RTL8B: variants seen among roughly 807,000 people sequenced by gnomAD.
RTL8B encodes the protein retrotransposon Gag-like protein 8B.
RTL8B carries 5 observed loss-of-function variants against 4.4 expected under a neutral mutation model. That is an observed-to-expected ratio of 1.13 (90% CI 0.59 to 2.37). The LOEUF is 2.37. Among genes scored for constraint, RTL8B ranks in the 30% most tolerant of loss-of-function variants. The pLI, the probability that RTL8B is intolerant of heterozygous loss-of-function variation, is 0.01. For missense variants in RTL8B, 82 were observed against 99.2 expected (o/e 0.83, Z 0.74); for synonymous variants, 31 against 44.2 (o/e 0.70, Z 1.19).
Position 135,021,722 on chromosome X carries a change from G to A in RTL8B, c.*396C>T. Reference sequence around the variant, plus strand: ...ATGGCAGTGGCAGCGCAGGTCTGTGGGCAGCATGATGTAGTCGTCTGGAAG... The same window carrying A: ...ATGGCAGTGGCAGCGCAGGTCTGTGAGCAGCATGATGTAGTCGTCTGGAAG... On this transcript the variant is annotated 3_prime_UTR_variant, in exon 1 of 1. Coordinates refer to ENST00000391440, the MANE Select transcript of RTL8B (RefSeq NM_001078173.2). 6 of 1,018,138 alleles carry A rather than the reference G, an allele frequency of 5.9e-6. No homozygotes were observed. Among genetic ancestry groups the A allele is most frequent in the Non-Finnish European group, 7.7e-6 (6 of 778,791 alleles). 83.9% of individuals were successfully genotyped at this position (1,018,138 alleles called of 1,213,427 possible).
Position 135,021,826 on chromosome X carries a change from A to C in RTL8B, c.*292T>G. The C allele has an allele frequency of 8.9e-7, 1 of 1,124,901 alleles. No homozygotes were observed. Among genetic ancestry groups the C allele is most frequent in the African/African-American group, 1.8e-5 (1 of 55,528 alleles). The allele number at this position is 1,124,901 out of a possible 1,213,427, so 92.7% of individuals were successfully genotyped here. A position where few individuals can be genotyped will look rare whatever the true frequency, so the allele number is the denominator to read the frequency against. On this transcript the variant is annotated 3_prime_UTR_variant, in exon 1 of 1. Transcript: ENST00000391440. ...TGTAACAGGAGCTCAGCTTTGTGCA[A>C]CTGGAGCGCAGGACAGCGTCCAAAT... is the stretch of plus-strand genomic sequence containing the variant.
rs779861770 is a variant in RTL8B, at chrX:135,022,450, G to A, written c.10C>T (p.Arg4Ter). ...AGGAGGGCCTTCATCAGCTGCACTC[G>A]ACCTTCCATCGCGCCGCGCTGGCTC... MEG[R>*]VQLMKALLAR... Residue 4 changes from arginine (R) to a stop codon, truncating the protein, a stop_gained, in exon 1 of 1, where the codon CGA becomes TGA. Transcript: ENST00000391440. LOFTEE classifies it high-confidence loss of function. The A allele has an allele frequency of 1.3e-5, 16 of 1,209,036 alleles. No homozygotes were observed. The highest frequency in any genetic ancestry group is 4.4e-5 in the Admixed American group (2 of 45,846).
rs2083270652 is a variant in RTL8B, at chrX:135,022,375, A to G, written c.85T>C (p.Phe29Leu). The change falls in exon 1 of 1, where the codon TTT becomes CTT. Residue 29 changes from phenylalanine (F) to leucine (L), a missense_variant. Physicochemically the swap from Phe to Leu is conservative, Grantham distance 22. Transcript: ENST00000391440. Reference sequence around the variant, plus strand: ...GTATCGCCATCAAACGTCTCGGGAAAGGGAATCGGGTTCCTCCAGCGACGC... The same window carrying G: ...GTATCGCCATCAAACGTCTCGGGAAGGGGAATCGGGTTCCTCCAGCGACGC... The part of the protein sequence containing the change: ...AARRWRNPIP[F>L]PETFDGDTDR... 8.2e-7 allele frequency: 1 copy of G among 1,212,153 alleles called. No individual in the cohort carries two copies.
Position 135,022,235 on chromosome X carries a change from G to T in RTL8B, c.225C>A (p.Pro75=), listed in dbSNP as rs185780449. The T allele has an allele frequency of 1.3e-4, 152 of 1,210,858 alleles. No individual in the cohort carries two copies. Among genetic ancestry groups the T allele is most frequent in the Middle Eastern group, 2.3e-4 (1 of 4,320 alleles). ...TGTAGGGGATCACCCACTGCAGGGC[G>T]GGCCCCGTGAGGCGGGTGATGAGGA... The part of the protein sequence containing the change: ...VTFLITRLTG[P]ALQWVIPYIK... The change falls in exon 1 of 1, where the codon CCC becomes CCA. Residue 75 remains proline, a synonymous_variant. Transcript: ENST00000391440.
At position 135,020,985 on chromosome X, in the gene RTL8B, C is replaced by T. The variant is rs1011180451; in HGVS notation, c.*1133G>A. 4 of 112,552 alleles carry T rather than the reference C, an allele frequency of 3.6e-5. No individual in the cohort carries two copies. The highest frequency in any genetic ancestry group is 9.7e-5 in the African/African-American group (3 of 30,851). 9.3% of individuals were successfully genotyped at this position (112,552 alleles called of 1,213,427 possible). A position where few individuals can be genotyped will look rare whatever the true frequency, so the allele number is the denominator to read the frequency against. On this transcript the variant is annotated 3_prime_UTR_variant, in exon 1 of 1. Coordinates refer to ENST00000391440, the MANE Select transcript of RTL8B (RefSeq NM_001078173.2). Reference sequence around the variant, plus strand: ...AAACCACTTTCTGGAAATGAGGATACATTTTCCAAGAGCCTGCTGGCTGAC... The same window carrying T: ...AAACCACTTTCTGGAAATGAGGATATATTTTCCAAGAGCCTGCTGGCTGAC...
rs1205558507 is a variant in RTL8B at position 135,022,509 on chromosome X, C to G, written c.-50G>C. ...TTAGCTGAGCTGCGCTGGGCTTCGCCGGGGGCTGCACCGAGGCGTAGCGGG... is the reference window on the plus strand; with the variant it reads ...TTAGCTGAGCTGCGCTGGGCTTCGCGGGGGGCTGCACCGAGGCGTAGCGGG... On this transcript the variant is annotated 5_prime_UTR_variant, in exon 1 of 1. Transcript: ENST00000391440. 8.4e-6 allele frequency: 10 copies of G among 1,186,940 alleles called. No individual in the cohort carries two copies. The highest frequency in any genetic ancestry group is 5.7e-5 in the South Asian group (3 of 52,334).
chrX:135,022,414 G>A lies in RTL8B; in HGVS notation c.46C>T (p.Leu16Phe), dbSNP rs759625658. The A allele has an allele frequency of 1.7e-6, 2 of 1,211,053 alleles. No individual in the cohort carries two copies. Among genetic ancestry groups the A allele is most frequent in the African/African-American group, 3.5e-5 (2 of 57,556 alleles). ...QLMKALLARP[L>F]RPAARRWRNP... ...CTCCAGCGACGCGCCGCGGGCCGGA[G>A]GGGCCGAGCCAGGAGGGCCTTCATC... is the stretch of plus-strand genomic sequence containing the variant. The change falls in exon 1 of 1, where the codon CTC becomes TTC. Residue 16 changes from leucine to phenylalanine, a missense_variant. Coordinates refer to ENST00000391440, the MANE Select transcript of RTL8B (RefSeq NM_001078173.2).
Position 135,021,233 on chromosome X carries a change from C to A in RTL8B, c.*885G>T. On this transcript the variant is annotated 3_prime_UTR_variant, in exon 1 of 1. Transcript: ENST00000391440. ...TATCGCTTCTGAACAAGATATGGAC[C>A]ACATTTACAGGACCAGGGAGGGAAA... is the stretch of plus-strand genomic sequence containing the variant. 1 of 227,568 alleles carries A rather than the reference C, an allele frequency of 4.4e-6. No individual in the cohort carries two copies. Among genetic ancestry groups the A allele is most frequent in the South Asian group, 5.3e-5 (1 of 18,734 alleles). 18.8% of individuals were successfully genotyped at this position (227,568 alleles called of 1,213,427 possible). A position where few individuals can be genotyped will look rare whatever the true frequency, so the allele number is the denominator to read the frequency against.
chrX:135,022,437 A>G lies in RTL8B; in HGVS notation c.23T>C (p.Met8Thr), dbSNP rs968089113. 1.7e-6 allele frequency: 2 copies of G among 1,210,482 alleles called. No homozygotes were observed. The highest frequency in any genetic ancestry group is 3.5e-5 in the African/African-American group (2 of 57,571). The part of the protein sequence containing the change: MEGRVQL[M>T]KALLARPLRP... ...GAGGGGCCGAGCCAGGAGGGCCTTC[A>G]TCAGCTGCACTCGACCTTCCATCGC... Residue 8 changes from methionine (M) to threonine (T), a missense_variant, in exon 1 of 1, where the codon ATG becomes ACG. By Grantham distance (81) the Met-to-Thr change is moderately conservative. Transcript: ENST00000391440.
rs1025050560 is a variant in RTL8B, at chrX:135,021,073, C to T, written c.*1045G>A. The T allele has an allele frequency of 9.4e-5, 11 of 117,097 alleles. No individual in the cohort carries two copies. The highest frequency in any genetic ancestry group is 5.2e-4 in the Admixed American group (6 of 11,570). The allele number at this position is 117,097 out of a possible 1,213,427, so 9.7% of individuals were successfully genotyped here. On this transcript the variant is annotated 3_prime_UTR_variant, in exon 1 of 1. Coordinates refer to ENST00000391440, the MANE Select transcript of RTL8B (RefSeq NM_001078173.2). ...ATTTACTAAGAGGCTTGGGATAATC[C>T]TAACTGGTTTAGAGGATTCAACATC... is the stretch of plus-strand genomic sequence containing the variant.
rs1360772384 is a variant in RTL8B, at chrX:135,021,210, T to C, written c.*908A>G. The C allele has an allele frequency of 1.9e-5, 4 of 206,452 alleles. No homozygotes were observed. Among genetic ancestry groups the C allele is most frequent in the African/African-American group, 1.2e-4 (4 of 33,698 alleles). 17.0% of individuals were successfully genotyped at this position (206,452 alleles called of 1,213,427 possible). On this transcript the variant is annotated 3_prime_UTR_variant, in exon 1 of 1. Coordinates refer to ENST00000391440, the MANE Select transcript of RTL8B (RefSeq NM_001078173.2). ...ATCAGTCACTGAATGGCAGGGGATA[T>C]CGCTTCTGAACAAGATATGGACCAC...
In RTL8B at chrX:135,022,344, C is replaced by T. The variant is rs1441143442; in HGVS notation, c.116G>A (p.Arg39Gln). 1 of 1,211,885 alleles carries T rather than the reference C, an allele frequency of 8.3e-7. No individual in the cohort carries two copies. The highest frequency in any genetic ancestry group is 1.1e-6 in the Non-Finnish European group (1 of 895,550). The change falls in exon 1 of 1, where the codon CGG (arginine) becomes CAG (glutamine). Residue 39 changes from arginine to glutamine, a missense_variant. Arg to Gln is a conservative substitution (Grantham distance 43, BLOSUM62 1). Transcript: ENST00000391440. ...CGTCTGCACGATGAACTCCGGGAGC[C>T]GGTCGGTATCGCCATCAAACGTCTC... ...FPETFDGDTD[R>Q]LPEFIVQTSS...
Position 135,021,559 on chromosome X carries a change from C to A in RTL8B, c.*559G>T, listed in dbSNP as rs149477038. 1 of 717,488 alleles carries A rather than the reference C, an allele frequency of 1.4e-6. No homozygotes were observed. Among genetic ancestry groups the A allele is most frequent in the East Asian group, 8.3e-5 (1 of 12,108 alleles). The allele number at this position is 717,488 out of a possible 1,213,427, so 59.1% of individuals were successfully genotyped here. A position where few individuals can be genotyped will look rare whatever the true frequency, so the allele number is the denominator to read the frequency against. The stretch of plus-strand genomic sequence containing the variant: ...CTGGGATTGGGGAGGAAATGGGTCT[C>A]GCTGAAGGTAACAGGTCCCTTGAGG... On this transcript the variant is annotated 3_prime_UTR_variant, in exon 1 of 1. Transcript: ENST00000391440.
Position 135,021,340 on chromosome X carries a change from G to A in RTL8B, c.*778C>T. ...AAATATGGAAAATACTTTTCTCCAG[G>A]TAGTATAAAGGAGTTAAGCAGAAGA... On this transcript the variant is annotated 3_prime_UTR_variant, in exon 1 of 1. Coordinates refer to ENST00000391440, the MANE Select transcript of RTL8B (RefSeq NM_001078173.2). 1 of 249,712 alleles carries A rather than the reference G, an allele frequency of 4.0e-6. No homozygotes were observed. The highest frequency in any genetic ancestry group is 1.1e-4 in the East Asian group (1 of 9,519). The allele number at this position is 249,712 out of a possible 1,213,427, so 20.6% of individuals were successfully genotyped here.
Position 135,022,460 on chromosome X carries a change from C to A in RTL8B, c.-1G>T, listed in dbSNP as rs772515646. The A allele has an allele frequency of 1.7e-6, 2 of 1,208,734 alleles. No individual in the cohort carries two copies. The highest frequency in any genetic ancestry group is 2.2e-6 in the Non-Finnish European group (2 of 893,816). ...TCATCAGCTGCACTCGACCTTCCAT[C>A]GCGCCGCGCTGGCTCCGCTGAGTTT... On this transcript the variant is annotated 5_prime_UTR_variant, in exon 1 of 1. Transcript: ENST00000391440.
At position 135,022,162 on chromosome X, in the gene RTL8B, C is replaced by A; in HGVS notation, c.298G>T (p.Glu100Ter). Residue 100 changes from glutamate to a stop codon, truncating the protein, a stop_gained, in exon 1 of 1, where the codon GAG becomes TAG. Coordinates refer to ENST00000391440, the MANE Select transcript of RTL8B (RefSeq NM_001078173.2). LOFTEE classifies it high-confidence loss of function. ...TCCCATCCAAAGACCCGCTTCATCTCAGCCAGGAAGCCCCGGTAATCACTG... is the reference window on the plus strand; with the variant it reads ...TCCCATCCAAAGACCCGCTTCATCTAAGCCAGGAAGCCCCGGTAATCACTG... ...LLSDYRGFLA[E>*]MKRVFGWEED... 1 of 1,212,173 alleles carries A rather than the reference C, an allele frequency of 8.2e-7. No homozygotes were observed. Among genetic ancestry groups the A allele is most frequent in the African/African-American group, 1.7e-5 (1 of 57,972 alleles).
At position 135,022,540 on chromosome X, in the gene RTL8B, CAT is replaced by C; in HGVS notation, c.-83_-82del. ...CTGCACCGAGGCGTAGCGGGAAGTG[CAT>C]GTCGCGGGAGGAGAAGCCGGGATGT... On this transcript the variant is annotated 5_prime_UTR_variant, in exon 1 of 1. It removes an upstream start codon present in the reference 5' UTR. Coordinates refer to ENST00000391440, the MANE Select transcript of RTL8B (RefSeq NM_001078173.2). The C allele has an allele frequency of 8.6e-7, 1 of 1,157,541 alleles. No homozygotes were observed.
rs564125921 is a variant in RTL8B, at chrX:135,020,692, C to T, written c.*1426G>A. 1 of 111,900 alleles carries T rather than the reference C, an allele frequency of 8.9e-6. No homozygotes were observed. The highest frequency in any genetic ancestry group is 1.9e-5 in the Non-Finnish European group (1 of 53,225). The allele number at this position is 111,900 out of a possible 1,213,427, so 9.2% of individuals were successfully genotyped here. ...AAGCTTATGAAATGTACCAGGATCA[C>T]ATGTAATTGAATAAAATGATACCAA... On this transcript the variant is annotated 3_prime_UTR_variant, in exon 1 of 1. Transcript: ENST00000391440.
chrX:135,022,536 A>G lies in RTL8B; in HGVS notation c.-77T>C. On this transcript the variant is annotated 5_prime_UTR_variant, in exon 1 of 1. Coordinates refer to ENST00000391440, the MANE Select transcript of RTL8B (RefSeq NM_001078173.2). ...GGGGCTGCACCGAGGCGTAGCGGGA[A>G]GTGCATGTCGCGGGAGGAGAAGCCG... is the stretch of plus-strand genomic sequence containing the variant. 8.6e-7 allele frequency: 1 copy of G among 1,160,275 alleles called. No homozygotes were observed. The highest frequency in any genetic ancestry group is 2.0e-5 in the South Asian group (1 of 48,818).
Sources: allele counts gnomAD v4.1 joint callset, GRCh38; gene constraint gnomAD v4.1.1; transcripts MANE v1.5; gene names NCBI Gene and HGNC (gene_info 2026-07-23, HGNC 2026-07-21).